Variants in WIPI1 observed in about 807,000 individuals in gnomAD.
WIPI1 encodes the protein WD repeat domain phosphoinositide-interacting protein 1.
In WIPI1, 45 loss-of-function variants were observed where a neutral mutation model predicts 55.3. The ratio of observed to expected loss-of-function variants is 0.81; its 90% CI spans 0.64 to 1.04. WIPI1 has a LOEUF of 1.04. Ranked by LOEUF, WIPI1 falls within the 50% of genes least tolerant of loss-of-function variation. The probability of loss-of-function intolerance (pLI) is 0.00; values close to 1 mark genes in which losing one functional copy is unlikely to be tolerated. For missense variants in WIPI1, 445 were observed against 559.0 expected (o/e 0.80, Z 2.06); for synonymous variants, 195 against 217.6 (o/e 0.90, Z 0.92).
intron 4 of WIPI1, among the ~76,000 whole-genome samples, chr17:68,441,308 C>T (rs763630249): frequency 6.6e-6 from 1 of 152,200 alleles, no homozygotes; most frequent in Non-Finnish European, 1.5e-5. Flanking sequence ...TTTACAGCTG[C>T]GTTAGATACC....
intron 3 of WIPI1, among the ~76,000 whole-genome samples, chr17:68,448,838 A>T (rs1371438638): frequency 6.6e-6 from 1 of 152,228 alleles, no homozygotes; most frequent in African/African-American, 2.4e-5. Flanking sequence ...CAAGAATTTC[A>T]TCTAAAAGCC....
In WIPI1 at chr17:68,426,244, G is replaced by GC. The variant is rs1555798458; in HGVS notation, c.1193-70_1193-69insG. ...CTTTTATGCCATGACCTGGCGGGTG[G>GC]GGAGCGGGGGCTCAAATAAAGGGCA... is the stretch of plus-strand genomic sequence containing the variant. On this transcript the variant is annotated intron_variant, in intron 11 of 12. Coordinates refer to ENST00000262139, the MANE Select transcript of WIPI1 (RefSeq NM_017983.7). 1.9e-4 allele frequency: 192 copies of GC among 985,568 alleles called. 6 individuals are homozygous for GC. The highest frequency in any genetic ancestry group is 2.5e-4 in the Non-Finnish European group (162 of 651,256). The allele number at this position is 985,568 out of a possible 1,614,324, so 61.1% of individuals were successfully genotyped here. A position where few individuals can be genotyped will look rare whatever the true frequency, so the allele number is the denominator to read the frequency against.
intron 2 of WIPI1, 109 bp from the exon 3 acceptor site, chr17:68,451,006 G>C: frequency 7.0e-7 from 1 of 1,422,694 alleles, no homozygotes; most frequent in Non-Finnish European, 9.3e-7. Context: ...GGTTCTCCGG[G>C]TCTTGCCGGC....
At chr17:68,451,816 G>C (rs1012016151) in intron 2 of WIPI1, among the ~76,000 whole-genome samples, 1 of 152,172 alleles carries the variant, frequency 6.6e-6, no homozygotes, top group African/African-American at 2.4e-5. Context: ...TCTGTACTCA[G>C]GAAGAAGTTA....
intron 4 of WIPI1, among the ~76,000 whole-genome samples, chr17:68,439,068 C>T (rs766082500): frequency 2.0e-5 from 3 of 152,274 alleles, no homozygotes; most frequent in Non-Finnish European, 4.4e-5. Context: ...TGCTCTGGAA[C>T]GTTTAGCAGT....
chr17:68,455,379 A>C (rs2084621285), intron 1 of WIPI1, among the ~76,000 whole-genome samples: 1 of 151,670 alleles, frequency 6.6e-6, no homozygotes, highest in Admixed American at 6.6e-5. Flanking sequence ...AAAAAAAAAA[A>C]AGTACCCAAA....
intron 11 of WIPI1, 108 bp from the exon 12 acceptor site, chr17:68,426,283 GGCT>G: frequency 1.2e-6 from 1 of 862,202 alleles, no homozygotes; most frequent in South Asian, 1.5e-5. Context: ...GAAGCAAAGG[GGCT>G]GTCTGTCTTC....
chr17:68,429,791 G>A (rs1395813793), intron 9 of WIPI1, among the ~76,000 whole-genome samples: 1 of 152,118 alleles, frequency 6.6e-6, no homozygotes, highest in Non-Finnish European at 1.5e-5. Flanking sequence ...ATTTCACCAC[G>A]TTGGCCAGGC....
chr17:68,425,894 A>G (rs1334377776), intron 12 of WIPI1, 181 bp downstream of exon 12: 2 of 592,996 alleles, frequency 3.4e-6, no homozygotes, highest in Admixed American at 6.0e-5. Flanking sequence ...CCTAAAGCCT[A>G]CTCTGTAGGA....
At chr17:68,430,867 G>C (rs2083477229) in intron 8 of WIPI1, among the ~76,000 whole-genome samples, 1 of 152,228 alleles carries the variant, frequency 6.6e-6, no homozygotes, top group Non-Finnish European at 1.5e-5. Context: ...ACTGCTGAGA[G>C]GCTGCTTGTC....
Position 68,427,273 on chromosome 17 carries a change from G to C in WIPI1, c.1074-20C>G. The C allele has an allele frequency of 6.3e-7, 1 of 1,585,812 alleles. No individual in the cohort carries two copies. The highest frequency in any genetic ancestry group is 1.7e-4 in the Middle Eastern group (1 of 5,986). On this transcript the variant is annotated intron_variant, in intron 10 of 12. Transcript: ENST00000262139. ...AGCAAGCTACTTGTGACAATCAAGAGGAGGTGAAAGAAAAAAGAAATCATC... is the reference window on the plus strand; with the variant it reads ...AGCAAGCTACTTGTGACAATCAAGACGAGGTGAAAGAAAAAAGAAATCATC...
Position 68,450,734 on chromosome 17 carries a change from G to A in WIPI1, c.327C>T (p.Asn109=). ...YSSNILSIRL[N]RQRLLVCLEE... is the part of the protein sequence containing the mutation. ...GAGGGATTTCCCCACTTACTTGCCG[G>A]TTCAGCCTTATGGACAAGATGTTGC... is the stretch of plus-strand genomic sequence containing the variant. Residue 109 remains asparagine (N), a synonymous_variant, in exon 3 of 13, where the codon AAC becomes AAT. Transcript: ENST00000262139. The A allele has an allele frequency of 6.2e-7, 1 of 1,609,602 alleles. No homozygotes were observed. Among genetic ancestry groups the A allele is most frequent in the Non-Finnish European group, 8.5e-7 (1 of 1,178,236 alleles).
At position 68,423,542 on chromosome 17, in the gene WIPI1, C is replaced by T. The variant is rs755975711; in HGVS notation, c.1294-1722G>A. On this transcript the variant is annotated intron_variant, in intron 12 of 12. Transcript: ENST00000262139. The surrounding 1 kb of genome is among the most constrained non-coding windows in gnomAD (Gnocchi z 4.4). ...TGTTCTAGGGACCTTGTTCAGTGAC[C>T]ACTCTCACTGGCAGGAAGTATTTCT... Among the ~76,000 whole-genome samples, 3 of 152,164 alleles carry T rather than the reference C, an allele frequency of 2.0e-5. No individual in the cohort carries two copies. Among genetic ancestry groups the T allele is most frequent in the Non-Finnish European group, 4.4e-5 (3 of 68,026 alleles).
Position 68,457,455 on chromosome 17 carries a change from C to G in WIPI1, c.-34G>C. 6.8e-7 allele frequency: 1 copy of G among 1,462,972 alleles called. No homozygotes were observed. The highest frequency in any genetic ancestry group is 1.3e-5 in the South Asian group (1 of 74,404). The allele number at this position is 1,462,972 out of a possible 1,614,324, so 90.6% of individuals were successfully genotyped here. ...CGGCCCGGGAAGCCGCAGCTCGGAG[C>G]CGGCGACAGCCACCTCAGCAGCCCG... On this transcript the variant is annotated 5_prime_UTR_variant, in exon 1 of 13. Coordinates refer to ENST00000262139, the MANE Select transcript of WIPI1 (RefSeq NM_017983.7).
intron 12 of WIPI1, among the ~76,000 whole-genome samples, chr17:68,425,342 T>C (rs1568619369): frequency 6.6e-6 from 1 of 151,592 alleles, no homozygotes; most frequent in Non-Finnish European, 1.5e-5. Context: ...TAGCTGGGAC[T>C]ACAGGCACGT....
rs559696009 is a variant in WIPI1 at position 68,435,557 on chromosome 17, C to G, written c.621+63G>C. ...GTCACCAGGTTTGTTCAATCCCATC[C>G]CTGCGCACGGCAGGAGCCATCCAGC... On this transcript the variant is annotated intron_variant, in intron 6 of 12. Transcript: ENST00000262139. 62 of 1,518,766 alleles carry G rather than the reference C, an allele frequency of 4.1e-5. No homozygotes were observed. In the Middle Eastern group the frequency reaches 6.3e-4, roughly 15 times the overall value. 94.1% of individuals were successfully genotyped at this position (1,518,766 alleles called of 1,614,324 possible). A position where few individuals can be genotyped will look rare whatever the true frequency, so the allele number is the denominator to read the frequency against.
intron 8 of WIPI1, among the ~76,000 whole-genome samples, chr17:68,431,199 GC>G (rs766344782): frequency 1.3e-4 from 20 of 152,336 alleles, no homozygotes; most frequent in African/African-American, 4.8e-4. Context: ...AATATGCGGT[GC>G]TGCACAGATG....
chr17:68,435,865 G>A (rs1207878133), intron 5 of WIPI1, among the ~76,000 whole-genome samples, 153 bp from the exon 6 acceptor site: 1 of 152,224 alleles, frequency 6.6e-6, no homozygotes, highest in Non-Finnish European at 1.5e-5. Context: ...TAAGCTGTGT[G>A]TCATTTTCTG....
At position 68,457,199 on chromosome 17, in the gene WIPI1, G is replaced by T. The variant is rs1297589273; in HGVS notation, c.80+143C>A. 3.2e-6 allele frequency: 3 copies of T among 951,160 alleles called. No homozygotes were observed. The East Asian group carries it at 9.9e-5, about 31-fold the overall frequency. 58.9% of individuals were successfully genotyped at this position (951,160 alleles called of 1,614,324 possible). A position where few individuals can be genotyped will look rare whatever the true frequency, so the allele number is the denominator to read the frequency against. The stretch of plus-strand genomic sequence containing the variant: ...CACTGAAGGGGTACGGGGATAACAA[G>T]ATCCCAATGCGTCCGAAGCAGACAC... On this transcript the variant is annotated intron_variant, in intron 1 of 12. Transcript: ENST00000262139.
Sources: allele counts gnomAD v4.1 joint callset (sites outside exome capture counted in the v4.1 genomes callset), GRCh38; gene constraint gnomAD v4.1.1; non-coding constraint Gnocchi (gnomAD v3.1); transcripts MANE v1.5; gene names NCBI Gene and HGNC (gene_info 2026-07-23, HGNC 2026-07-21).